Variants in TXNDC11 observed in about 807,000 individuals in gnomAD.
TXNDC11 encodes the protein thioredoxin domain containing 11, also known as thioredoxin domain-containing protein 11.
Under a neutral mutation model 78.0 loss-of-function variants are expected in TXNDC11, and 68 were observed. The ratio of observed to expected loss-of-function variants is 0.87; its 90% confidence interval spans 0.72 to 1.07. The LOEUF is 1.07. Ranked by LOEUF, TXNDC11 falls within the 50% of genes least tolerant of loss-of-function variation. The pLI, the probability that TXNDC11 is intolerant of heterozygous loss-of-function variation, is 0.00. For synonymous variants in TXNDC11, 571 were observed against 495.2 expected (o/e 1.15, Z -2.03); for missense variants, 1,389 against 1,221.8 (o/e 1.14, Z -2.04).
chr16:11,687,825 A>C, intron 10 of TXNDC11, 32 bp downstream of exon 10: 1 of 1,451,498 alleles, frequency 6.9e-7, no homozygotes, highest in South Asian at 1.2e-5. Flanking sequence ...ATGGGCATAC[A>C]GCCCAAAGCG....
At chr16:11,703,749 A>G in intron 5 of TXNDC11, 1 of 701,312 alleles carries the variant, frequency 1.4e-6, no homozygotes, top group Non-Finnish European at 2.6e-6. Context: ...TTGATTCCAG[A>G]GCTGGGGTGA....
chr16:11,679,103 ATCTT>A lies in TXNDC11; in HGVS notation c.*88_*91del. 2.2e-6 allele frequency: 3 copies of A among 1,359,434 alleles called. No homozygotes were observed. Among genetic ancestry groups the A allele is most frequent in the Non-Finnish European group, 2.0e-6 (2 of 999,644 alleles). 84.2% of individuals were successfully genotyped at this position (1,359,434 alleles called of 1,614,324 possible). On this transcript the variant is annotated 3_prime_UTR_variant, in exon 12 of 12. Coordinates refer to ENST00000283033, the MANE Select transcript of TXNDC11 (RefSeq NM_015914.7). The surrounding 1 kb of genome is among the most constrained non-coding windows in gnomAD (Gnocchi z 4.6). ...GCTGATTTTCTAGACCACTGAGAAA[ATCTT>A]TATTTACAATAAATTTCAATAAAAT...
chr16:11,683,667 A>C (rs1202269637), intron 11 of TXNDC11, among the ~76,000 whole-genome samples: 6 of 152,140 alleles, frequency 3.9e-5, no homozygotes, highest in Admixed American at 2.0e-4. Context: ...GGTAAGAGAT[A>C]GACTGGGAAA....
At chr16:11,720,356 C>T (rs1402142173) in intron 5 of TXNDC11, among the ~76,000 whole-genome samples, 2 of 151,788 alleles carry the variant, frequency 1.3e-5, no homozygotes, top group Non-Finnish European at 2.9e-5. Flanking sequence ...ATAAAATAAC[C>T]ACTAAAAATG....
At chr16:11,712,743 A>T (rs2051398475) in intron 5 of TXNDC11, among the ~76,000 whole-genome samples, 1 of 151,980 alleles carries the variant, frequency 6.6e-6, no homozygotes, top group African/African-American at 2.4e-5. Flanking sequence ...GCTTGAACCC[A>T]GGAGTTCAAG....
At chr16:11,697,511 C>T (rs780035568) in intron 7 of TXNDC11, among the ~76,000 whole-genome samples, 74 of 152,202 alleles carry the variant, frequency 4.9e-4, no homozygotes, top group Admixed American at 2.2e-3. Flanking sequence ...CCAAATGCTC[C>T]GTGTGGAAAA....
chr16:11,701,388 C>A (rs1420624818), intron 5 of TXNDC11, among the ~76,000 whole-genome samples: 1 of 152,068 alleles, frequency 6.6e-6, no homozygotes, highest in African/African-American at 2.4e-5. Flanking sequence ...GTGCCTGCCT[C>A]TGCCTCCCAA....
chr16:11,705,843 G>A (rs2051165900), intron 5 of TXNDC11, among the ~76,000 whole-genome samples: 1 of 152,222 alleles, frequency 6.6e-6, no homozygotes, highest in South Asian at 2.1e-4. Flanking sequence ...TAGATTAGCA[G>A]AGGAAGTTTA....
intron 5 of TXNDC11, among the ~76,000 whole-genome samples, chr16:11,717,938 C>G (rs1461348801): frequency 6.6e-6 from 1 of 150,906 alleles, no homozygotes; most frequent in East Asian, 1.9e-4. Context: ...GAGGCCGAGC[C>G]CTGGAGAAAA....
intron 4 of TXNDC11, among the ~76,000 whole-genome samples, chr16:11,728,404 A>G (rs2051948060): frequency 6.6e-6 from 1 of 152,226 alleles, no homozygotes. Flanking sequence ...TACTAACCCG[A>G]TAAAAGCCAC....
intron 8 of TXNDC11, among the ~76,000 whole-genome samples, chr16:11,689,101 T>C (rs2050641932): frequency 6.6e-6 from 1 of 151,786 alleles, no homozygotes; most frequent in African/African-American, 2.4e-5. Context: ...TTTTTTTTTT[T>C]TTAAAGAGAC....
Position 11,691,635 on chromosome 16 carries a change from A to C in TXNDC11, c.1555T>G (p.Phe519Val), listed in dbSNP as rs1004860034. 7.4e-6 allele frequency: 12 copies of C among 1,614,120 alleles called. No individual in the cohort carries two copies. In the Admixed American group the frequency reaches 1.8e-4, roughly 25 times the overall value. Residue 519 changes from phenylalanine (F) to valine (V), a missense_variant, in exon 8 of 12, where the codon TTC becomes GTC. Physicochemically the swap from Phe to Val is conservative, Grantham distance 50. Transcript: ENST00000283033. ...CRTISRGVSG[F>V]IDSEQGVFEA... The stretch of plus-strand genomic sequence containing the variant: ...AAGACACCTTGTTCAGAGTCGATGA[A>C]GCCTGACACACCCCTGCTTATGGTC...
intron 8 of TXNDC11, among the ~76,000 whole-genome samples, chr16:11,689,074 A>G (rs1028715575): frequency 6.1e-5 from 9 of 147,896 alleles, no homozygotes; most frequent in Non-Finnish European, 1.0e-4. Flanking sequence ...AAACAATACT[A>G]ATTTGAATTT....
At chr16:11,716,720 A>C (rs137884970) in intron 5 of TXNDC11, among the ~76,000 whole-genome samples, 2 of 152,366 alleles carry the variant, frequency 1.3e-5, no homozygotes, top group Admixed American at 6.5e-5. Context: ...TATATTTAAC[A>C]TAATTTCAAC....
chr16:11,734,196 G>GA, intron 2 of TXNDC11, 117 bp from the exon 3 acceptor site: 1 of 736,904 alleles, frequency 1.4e-6, no homozygotes, highest in Non-Finnish European at 2.3e-6. Context: ...CAGAAACTAT[G>GA]AAAAAAACTG....
intron 5 of TXNDC11, among the ~76,000 whole-genome samples, chr16:11,708,964 T>C (rs893350906): frequency 6.6e-6 from 1 of 152,236 alleles, no homozygotes; most frequent in Non-Finnish European, 1.5e-5. Flanking sequence ...ACTTTTCAAG[T>C]TCTTCATAAC....
chr16:11,697,612 G>A (rs1189009502), intron 7 of TXNDC11, among the ~76,000 whole-genome samples: 6 of 152,158 alleles, frequency 3.9e-5, no homozygotes, highest in Admixed American at 3.9e-4. Flanking sequence ...AAACCACTCT[G>A]GCTTCTGCAC....
chr16:11,736,102 A>C lies in TXNDC11; in HGVS notation c.386T>G (p.Leu129Arg). The C allele has an allele frequency of 6.2e-7, 1 of 1,614,236 alleles. No individual in the cohort carries two copies. Among genetic ancestry groups the C allele is most frequent in the Non-Finnish European group, 8.5e-7 (1 of 1,180,042 alleles). The change falls in exon 2 of 12, where the codon CTG becomes CGG. Residue 129 changes from leucine (L) to arginine (R), a missense_variant. Coordinates refer to ENST00000283033, the MANE Select transcript of TXNDC11 (RefSeq NM_015914.7). The stretch of plus-strand genomic sequence containing the variant: ...ACACCAAGGGGCATAGAAGAAGAGC[A>C]GTACCACCTCTGAATCCCGTCGAAC... ...EYVRRDSEVV[L>R]LFFYAPWCGQ...
rs1371283491 is a variant in TXNDC11, at chr16:11,691,311, C to T, written c.1879G>A (p.Ala627Thr). 7 of 1,613,486 alleles carry T rather than the reference C, an allele frequency of 4.3e-6. No homozygotes were observed. Among genetic ancestry groups the T allele is most frequent in the African/African-American group, 1.3e-5 (1 of 74,912 alleles). The part of the protein sequence containing the change: ...ESHYILDPKQ[A>T]LMKLTLESFI... ...GTACCTAGGGTGAGCTTCATCAGTG[C>T]TTGCTTTGGATCCAAGATGTAATGA... Residue 627 changes from alanine to threonine, a missense_variant, in exon 8 of 12, where the codon GCA (alanine) becomes ACA (threonine). Physicochemically the swap from Ala to Thr is moderately conservative, Grantham distance 58 (BLOSUM62 0). Coordinates refer to ENST00000283033, the MANE Select transcript of TXNDC11 (RefSeq NM_015914.7).
Sources: allele counts gnomAD v4.1 joint callset (sites outside exome capture counted in the v4.1 genomes callset), GRCh38; gene constraint gnomAD v4.1.1; non-coding constraint Gnocchi (gnomAD v3.1); transcripts MANE v1.5; gene names NCBI Gene and HGNC (gene_info 2026-07-23, HGNC 2026-07-21).